The following METTL25 variants were observed in gnomAD, a reference collection of about 807,000 sequenced individuals.
The protein encoded by METTL25 is methyltransferase like 25, also known as probable methyltransferase-like protein 25.
METTL25 carries 64 observed loss-of-function variants against 71.6 expected under a neutral mutation model. That is an observed-to-expected ratio of 0.89 (90% confidence interval 0.73 to 1.10). The LOEUF (loss-of-function observed/expected upper bound fraction) is 1.10, where lower values mean the gene tolerates loss of function less well. METTL25 is among the 50% of genes least tolerant of loss of function. The pLI is 0.00. For synonymous variants in METTL25, 287 were observed against 250.3 expected (o/e 1.15, Z -1.38); for missense variants, 807 against 707.0 (o/e 1.14, Z -1.60).
rs1478933614 is a variant in METTL25, at chr12:82,465,026, AT to A, written c.1572+8207del. 1.1e-4 allele frequency among the ~76,000 whole-genome samples: 16 copies of A among 151,996 alleles called. No individual in the cohort carries two copies. The East Asian group carries it at 3.1e-3, about 29-fold the overall frequency. On this transcript the variant is annotated intron_variant, in intron 9 of 11. Transcript: ENST00000248306. ...TGGTAGAATCTTTAGGTTTTTCTAT[AT>A]GTAAGATCATGTCATCTGGAAAGAG...
intron 8 of METTL25, among the ~76,000 whole-genome samples, chr12:82,454,425 TA>T (rs1223851293): frequency 6.6e-6 from 1 of 152,074 alleles, no homozygotes; most frequent in East Asian, 1.9e-4. Context: ...GGCAGTGTTA[TA>T]AAGAGATGAA....
intron 3 of METTL25, among the ~76,000 whole-genome samples, chr12:82,391,508 G>A (rs1177081913): frequency 6.7e-6 from 1 of 150,112 alleles, no homozygotes; most frequent in Admixed American, 6.7e-5. Flanking sequence ...ATGAACTTAT[G>A]TTAATTGTAC....
chr12:82,369,644 G>A (rs972334680), intron 1 of METTL25: 1 of 272,898 alleles, frequency 3.7e-6, no homozygotes, highest in Non-Finnish European at 7.3e-6. Context: ...AAAGAACAAA[G>A]CTTCCACAGT....
In METTL25 at chr12:82,423,861, G is replaced by A. The variant is rs557778096; in HGVS notation, c.1280-7032G>A. Among the ~76,000 whole-genome samples the A allele has an allele frequency of 2.6e-4, 39 of 152,298 alleles. No individual in the cohort carries two copies. The South Asian group carries it at 7.5e-3, about 29-fold the overall frequency. ...ATATCATCTCACGCCAGTTAGAATA[G>A]TGATCATTAAAAAGTCAGGAAACAA... On this transcript the variant is annotated intron_variant, in intron 5 of 11. Coordinates refer to ENST00000248306, the MANE Select transcript of METTL25 (RefSeq NM_032230.3).
At chr12:82,454,103 T>A (rs1283891520) in intron 8 of METTL25, among the ~76,000 whole-genome samples, 1 of 152,094 alleles carries the variant, frequency 6.6e-6, no homozygotes, top group Non-Finnish European at 1.5e-5. Context: ...ATAAAAAATC[T>A]AATATTCTCT....
chr12:82,369,858 G>A (rs1417576443), intron 1 of METTL25, among the ~76,000 whole-genome samples: 1 of 152,146 alleles, frequency 6.6e-6, no homozygotes, highest in Non-Finnish European at 1.5e-5. Context: ...GTGCTGATTG[G>A]TGCGTTTACA....
chr12:82,468,279 A>G (rs1181768780), intron 9 of METTL25, among the ~76,000 whole-genome samples: 1 of 152,176 alleles, frequency 6.6e-6, no homozygotes, highest in Non-Finnish European at 1.5e-5. Flanking sequence ...ATTTTCAAAT[A>G]TACTTCTAAG....
chr12:82,442,337 C>T (rs1303957181), intron 8 of METTL25, among the ~76,000 whole-genome samples: 5 of 152,236 alleles, frequency 3.3e-5, no homozygotes, highest in African/African-American at 1.2e-4. Context: ...CCCAGATGTC[C>T]TTCAGTGAGT....
intron 5 of METTL25, among the ~76,000 whole-genome samples, chr12:82,423,945 A>G (rs1300682629): frequency 6.6e-6 from 1 of 152,212 alleles, no homozygotes; most frequent in African/African-American, 2.4e-5. Flanking sequence ...CTGGGACTGT[A>G]AACTAGTTCA....
intron 5 of METTL25, among the ~76,000 whole-genome samples, chr12:82,407,195 C>T (rs1182415936): frequency 1.3e-5 from 2 of 151,992 alleles, no homozygotes; most frequent in Non-Finnish European, 2.9e-5. Context: ...TTTGAGTCTT[C>T]TAAGGAAATT....
At chr12:82,363,527 C>T (rs1398180592) in intron 1 of METTL25, among the ~76,000 whole-genome samples, 2 of 152,112 alleles carry the variant, frequency 1.3e-5, no homozygotes, top group South Asian at 4.1e-4. Flanking sequence ...TACCACCAGA[C>T]AGTGGGTAAA....
At chr12:82,396,963 G>A (rs1355672847) in intron 3 of METTL25, among the ~76,000 whole-genome samples, 1 of 152,024 alleles carries the variant, frequency 6.6e-6, no homozygotes. Flanking sequence ...GCCATATGCT[G>A]TAGTCCAGAT....
chr12:82,360,364 C>T (rs1157985288), intron 1 of METTL25, among the ~76,000 whole-genome samples: 2 of 151,760 alleles, frequency 1.3e-5, no homozygotes, highest in Non-Finnish European at 1.5e-5. Flanking sequence ...CTGTTATTGT[C>T]GATTTGTGGA....
chr12:82,473,850 A>G (rs779179769), intron 9 of METTL25, among the ~76,000 whole-genome samples: 1 of 152,148 alleles, frequency 6.6e-6, no homozygotes, highest in Non-Finnish European at 1.5e-5. Flanking sequence ...GTGACAGCCA[A>G]TCCTGGACCC....
chr12:82,395,729 C>T (rs906577893), intron 3 of METTL25, among the ~76,000 whole-genome samples: 1 of 152,012 alleles, frequency 6.6e-6, no homozygotes, highest in South Asian at 2.1e-4. Context: ...TCCCTCCCAC[C>T]AGGTATTGGA....
intron 8 of METTL25, among the ~76,000 whole-genome samples, chr12:82,442,184 C>T (rs907173109): frequency 6.6e-6 from 1 of 152,038 alleles, no homozygotes; most frequent in Non-Finnish European, 1.5e-5. Flanking sequence ...ATCAGGGTGT[C>T]AGTGGAGATC....
chr12:82,410,416 A>G (rs4882386), intron 5 of METTL25, among the ~76,000 whole-genome samples: 140,638 of 152,142 alleles, frequency 0.92, 65,314 homozygotes, highest in East Asian at 1. Flanking sequence ...AAACAAGACT[A>G]TTTACTGCTA....
chr12:82,465,836 T>C (rs1172868534), intron 9 of METTL25, among the ~76,000 whole-genome samples: 1 of 152,034 alleles, frequency 6.6e-6, no homozygotes, highest in Non-Finnish European at 1.5e-5. Context: ...TGGTAGGTTG[T>C]ATGTGTCTAA....
At chr12:82,364,906 A>G (rs1882384803) in intron 1 of METTL25, among the ~76,000 whole-genome samples, 1 of 152,224 alleles carries the variant, frequency 6.6e-6, no homozygotes. Context: ...ACTAAATTAT[A>G]AACTATCAAA....
Sources: gnomAD v4.1 joint callset for allele counts (sites outside exome capture counted in the v4.1 genomes callset) on GRCh38, gnomAD v4.1.1 for gene constraint, MANE v1.5 for transcripts, NCBI Gene and HGNC (gene_info 2026-07-23, HGNC 2026-07-21) for gene names.